FECH: variants seen among roughly 807,000 people sequenced by gnomAD.
FECH encodes the protein ferrochelatase, mitochondrial.
FECH carries 40 observed loss-of-function variants against 56.9 expected under a neutral mutation model. The ratio of observed to expected loss-of-function variants is 0.70; its 90% CI spans 0.55 to 0.92. The LOEUF (loss-of-function observed/expected upper bound fraction) is 0.92, where lower values mean the gene tolerates loss of function less well. Among genes scored for constraint, FECH ranks in the 40% least tolerant of loss-of-function variants. FECH has a pLI of 0.00. For synonymous variants in FECH, 175 were observed against 198.6 expected, an observed-to-expected ratio of 0.88 and a Z score of 1.00; for missense variants, 431 against 529.1, an observed-to-expected ratio of 0.81 and a Z score of 1.82.
intron 2 of FECH, 44 bp downstream of exon 2, chr18:57,580,029 C>T (rs1230580324): frequency 2.5e-6 from 4 of 1,612,626 alleles, no homozygotes; most frequent in Non-Finnish European, 2.5e-6. Context: ...GTGTCTGCAT[C>T]GATAAAGAGA....
At chr18:57,578,698 G>A (rs184540757) in intron 2 of FECH, among the ~76,000 whole-genome samples, 241 of 151,672 alleles carry the variant, frequency 1.6e-3, no homozygotes, top group Middle Eastern at 3.4e-3. Context: ...GGTGGCTCAC[G>A]CCTGTAATCT....
chr18:57,574,209 G>C (rs1419510296), intron 2 of FECH, among the ~76,000 whole-genome samples: 1 of 151,878 alleles, frequency 6.6e-6, no homozygotes, highest in Non-Finnish European at 1.5e-5. Flanking sequence ...GGCCAGGCTG[G>C]TCTCAAAATC....
In FECH at chr18:57,546,917, G is replaced by A. The variant is rs1296603390; in HGVS notation, c.*3795C>T. ...GGAGGTTGCAGTGAGCCGAGATCGTGCCACTGTACTCCAGCTTGGGCAACA... is the reference window on the plus strand; with the variant it reads ...GGAGGTTGCAGTGAGCCGAGATCGTACCACTGTACTCCAGCTTGGGCAACA... On this transcript the variant is annotated 3_prime_UTR_variant, in exon 11 of 11. Transcript: ENST00000262093. Among the ~76,000 whole-genome samples, 4 of 148,616 alleles carry A rather than the reference G, an allele frequency of 2.7e-5. No individual in the cohort carries two copies. The highest frequency in any genetic ancestry group is 5.0e-5 in the African/African-American group (2 of 40,010).
At chr18:57,566,869 A>AT (rs1251842935) in intron 4 of FECH, among the ~76,000 whole-genome samples, 2 of 152,176 alleles carry the variant, frequency 1.3e-5, no homozygotes, top group African/African-American at 4.8e-5. Flanking sequence ...CTTGGCTGGC[A>AT]TAAGAGAGCC....
chr18:57,581,361 G>A (rs2051274840), intron 1 of FECH, among the ~76,000 whole-genome samples: 1 of 152,218 alleles, frequency 6.6e-6, no homozygotes, highest in Non-Finnish European at 1.5e-5. Flanking sequence ...CATATGAAGA[G>A]TACTGGTCCT....
intron 4 of FECH, among the ~76,000 whole-genome samples, chr18:57,568,679 T>C (rs2051051103): frequency 6.6e-6 from 1 of 152,206 alleles, no homozygotes; most frequent in Admixed American, 6.5e-5. Flanking sequence ...TCAGAGCAGC[T>C]GTTCAATGAA....
At chr18:57,559,120 C>T (rs989992096) in intron 7 of FECH, 25 bp downstream of exon 7, 5 of 1,459,474 alleles carry the variant, frequency 3.4e-6, no homozygotes, top group Non-Finnish European at 4.8e-6. Context: ...ATCACTAGGT[C>T]ATCCCAGAAA....
chr18:57,559,701 A>G (rs1171316791), intron 6 of FECH, among the ~76,000 whole-genome samples: 2 of 152,212 alleles, frequency 1.3e-5, no homozygotes, highest in African/African-American at 2.4e-5. Flanking sequence ...GTAGGGAAAT[A>G]AGAAAATACT....
chr18:57,575,053 G>C (rs2051165352), intron 2 of FECH, among the ~76,000 whole-genome samples: 1 of 152,022 alleles, frequency 6.6e-6, no homozygotes, highest in Admixed American at 6.5e-5. Context: ...GCCTATTCAG[G>C]ACACTTCATA....
At chr18:57,583,079 G>T (rs1034552538) in intron 1 of FECH, among the ~76,000 whole-genome samples, 6 of 152,178 alleles carry the variant, frequency 3.9e-5, no homozygotes, top group African/African-American at 1.4e-4. Flanking sequence ...TCTCAGAGAG[G>T]AGAATGATGT....
intron 6 of FECH, among the ~76,000 whole-genome samples, chr18:57,560,580 G>A (rs1006358291): frequency 3.3e-5 from 5 of 152,220 alleles, no homozygotes; most frequent in African/African-American, 1.2e-4. Context: ...GGGCCCAGAA[G>A]GTTAAGGTTG....
intron 7 of FECH, among the ~76,000 whole-genome samples, chr18:57,556,600 A>G (rs540515224): frequency 6.8e-4 from 104 of 152,254 alleles, no homozygotes; most frequent in Non-Finnish European, 1.4e-3. Flanking sequence ...TGACATCCTA[A>G]AAATGACTCC....
At chr18:57,557,339 A>G (rs987061137) in intron 7 of FECH, among the ~76,000 whole-genome samples, 4 of 152,140 alleles carry the variant, frequency 2.6e-5, no homozygotes, top group African/African-American at 9.7e-5. Flanking sequence ...TCAACTCTCC[A>G]ATGTCCTCCC....
chr18:57,573,217 T>G (rs369308134), intron 3 of FECH, 29 bp downstream of exon 3: 13 of 1,608,028 alleles, frequency 8.1e-6, no homozygotes, highest in Non-Finnish European at 1.1e-5. Flanking sequence ...GTGCCAAGGT[T>G]ATAATTGAGG....
chr18:57,558,920 C>A (rs1441458957), intron 7 of FECH, among the ~76,000 whole-genome samples: 1 of 151,274 alleles, frequency 6.6e-6, no homozygotes, highest in Non-Finnish European at 1.5e-5. Flanking sequence ...GACTCTGTTT[C>A]AAAAAAAAGA....
chr18:57,553,685 T>C (rs2050829554), intron 9 of FECH, among the ~76,000 whole-genome samples: 1 of 152,272 alleles, frequency 6.6e-6, no homozygotes, highest in African/African-American at 2.4e-5. Context: ...GTATTTGTTA[T>C]TTCAATAATC....
At chr18:57,580,581 T>A (rs1249582515) in intron 1 of FECH, among the ~76,000 whole-genome samples, 4 of 152,198 alleles carry the variant, frequency 2.6e-5, no homozygotes, top group African/African-American at 7.2e-5. Context: ...GCCGCCGATT[T>A]CGGGAGTGGC....
At chr18:57,552,665 G>GCCTTTACAC (rs1420802066) in intron 9 of FECH, among the ~76,000 whole-genome samples, 1 of 152,148 alleles carries the variant, frequency 6.6e-6, no homozygotes, top group African/African-American at 2.4e-5. Flanking sequence ...TTCCCAAAGT[G>GCCTTTACAC]CTGAGATTAC....
chr18:57,583,630 C>T (rs1422053909), intron 1 of FECH, among the ~76,000 whole-genome samples: 1 of 152,202 alleles, frequency 6.6e-6, no homozygotes, highest in African/African-American at 2.4e-5. Flanking sequence ...TAATTCTGCC[C>T]CTCCTCCTTA....
Sources: gnomAD v4.1 joint callset for allele counts (sites outside exome capture counted in the v4.1 genomes callset) on GRCh38, gnomAD v4.1.1 for gene constraint, MANE v1.5 for transcripts, NCBI Gene and HGNC (gene_info 2026-07-23, HGNC 2026-07-21) for gene names.